KIF21A: variants seen among roughly 807,000 people sequenced by gnomAD.
The protein encoded by KIF21A is kinesin-like protein KIF21A.
In KIF21A, 114 loss-of-function variants were observed where a neutral mutation model predicts 202.9. The observed-to-expected ratio is 0.56, with a 90% CI of 0.48 to 0.66. KIF21A has a LOEUF of 0.66. Among genes scored for constraint, KIF21A ranks in the 30% least tolerant of loss-of-function variants. The probability of loss-of-function intolerance (pLI) is 0.00; values close to 1 mark genes in which losing one functional copy is unlikely to be tolerated. For synonymous variants in KIF21A, 667 were observed against 670.8 expected, an observed-to-expected ratio of 0.99 and a Z score of 0.09; for missense variants, 1,677 against 1,994.9, an observed-to-expected ratio of 0.84 and a Z score of 3.04.
In KIF21A at chr12:39,332,661, C is replaced by G. The variant is rs750114694; in HGVS notation, c.2786G>C (p.Arg929Thr). The G allele has an allele frequency of 1.9e-6, 3 of 1,614,020 alleles. No homozygotes were observed. The highest frequency in any genetic ancestry group is 2.5e-6 in the Non-Finnish European group (3 of 1,179,964). ...CTTCTGCATGATGATGTCTGTGACC[C>G]TGCGCTCAAGGAGCTGCCACTTCAT... ...ARMKWQLLER[R>T]VTDIIMQKMT... The change falls in exon 20 of 38, where the codon AGG becomes ACG. Residue 929 changes from arginine to threonine, a missense_variant. This residue lies in a region of KIF21A where 966 missense variants were observed against 1,180.9 expected (regional missense o/e 0.82). Transcript: ENST00000361418.
At chr12:39,341,451 G>C in intron 14 of KIF21A, 54 bp downstream of exon 14, 2 of 1,547,812 alleles carry the variant, frequency 1.3e-6, no homozygotes. Flanking sequence ...TTTCTGTCAT[G>C]GTTTAAACAA....
At chr12:39,382,117 C>T (rs1950651870) in intron 1 of KIF21A, among the ~76,000 whole-genome samples, 1 of 152,156 alleles carries the variant, frequency 6.6e-6, no homozygotes, top group Non-Finnish European at 1.5e-5. Flanking sequence ...GCCTTGTCAA[C>T]CAACTTTGTA....
In KIF21A at chr12:39,348,296, C is replaced by T. The variant is rs539724346; in HGVS notation, c.1674-1792G>A. On this transcript the variant is annotated intron_variant, in intron 11 of 37. Coordinates refer to ENST00000361418, the MANE Select transcript of KIF21A (RefSeq NM_001173464.2). Reference sequence around the variant, plus strand: ...AGTTAAAGAGAATGACAATTCTTGCCAACCATTCTAACATTTGTGTAACTG... The same window carrying T: ...AGTTAAAGAGAATGACAATTCTTGCTAACCATTCTAACATTTGTGTAACTG... Among the ~76,000 whole-genome samples the T allele has an allele frequency of 9.9e-5, 15 of 152,162 alleles. 1 individual carries two copies. Among genetic ancestry groups the T allele is most frequent in the African/African-American group, 3.4e-4 (14 of 41,552 alleles).
intron 26 of KIF21A, among the ~76,000 whole-genome samples, chr12:39,324,121 GA>G (rs943937809): frequency 6.6e-6 from 1 of 151,204 alleles, no homozygotes; most frequent in African/African-American, 2.4e-5. Context: ...AAAAAAAAAA[GA>G]AATGATACGA....
Position 39,403,895 on chromosome 12 carries a change from G to C in KIF21A, c.45-33634C>G, listed in dbSNP as rs1025878828. 3.3e-5 allele frequency among the ~76,000 whole-genome samples: 5 copies of C among 152,152 alleles called. No individual in the cohort carries two copies. In the South Asian group the frequency reaches 1.0e-3, roughly 32 times the overall value. On this transcript the variant is annotated intron_variant, in intron 1 of 37. Transcript: ENST00000361418. Reference sequence around the variant, plus strand: ...AAGTTAATGTTGAAATTAATGTTGAGTTAATATGAATGAGAACTGAATTAA... The same window carrying C: ...AAGTTAATGTTGAAATTAATGTTGACTTAATATGAATGAGAACTGAATTAA...
At chr12:39,348,378 T>C (rs909033599) in intron 11 of KIF21A, among the ~76,000 whole-genome samples, 1 of 152,108 alleles carries the variant, frequency 6.6e-6, no homozygotes, top group South Asian at 2.1e-4. Context: ...CTCTGGATTA[T>C]TCTACAGATC....
chr12:39,399,312 C>T (rs1331954709), intron 1 of KIF21A, among the ~76,000 whole-genome samples: 1 of 152,078 alleles, frequency 6.6e-6, no homozygotes, highest in African/African-American at 2.4e-5. Context: ...AATATTATGC[C>T]ATTTTATGTA....
intron 37 of KIF21A, among the ~76,000 whole-genome samples, chr12:39,300,513 G>T (rs1262384435): frequency 6.6e-6 from 1 of 151,824 alleles, no homozygotes; most frequent in Non-Finnish European, 1.5e-5. Flanking sequence ...ATAAAATCAG[G>T]GTGTTCATGC....
At chr12:39,431,525 G>A (rs1406026446) in intron 1 of KIF21A, among the ~76,000 whole-genome samples, 1 of 152,126 alleles carries the variant, frequency 6.6e-6, no homozygotes, top group Non-Finnish European at 1.5e-5. Flanking sequence ...ATGGGTTGGT[G>A]GAACAAAACT....
chr12:39,307,780 G>C, intron 33 of KIF21A, 51 bp from the exon 34 acceptor site: 1 of 1,553,380 alleles, frequency 6.4e-7, no homozygotes, highest in Non-Finnish European at 8.8e-7. Context: ...ACTTGGGTTT[G>C]GCTTAGAATT....
Position 39,370,244 on chromosome 12 carries a change from G to A in KIF21A, c.62C>T (p.Ala21Val), listed in dbSNP as rs1344943070. 2.5e-6 allele frequency: 4 copies of A among 1,611,332 alleles called. No individual in the cohort carries two copies. The South Asian group carries it at 3.3e-5, about 13-fold the overall frequency. Reference protein sequence around the residue: ...RVAVRIRPQLAKEKIEGCHIC... With the variant: ...RVAVRIRPQLVKEKIEGCHIC... ...ATGGCATCCTTCAATCTTCTCTTTG[G>A]CAAGCTGTGGTCTTATTCTGTGAGA... is the stretch of plus-strand genomic sequence containing the variant. The change falls in exon 2 of 38, where the codon GCC (alanine) becomes GTC (valine). Residue 21 changes from alanine to valine, a missense_variant. By Grantham distance (64) the Ala-to-Val change is moderately conservative. Coordinates refer to ENST00000361418, the MANE Select transcript of KIF21A (RefSeq NM_001173464.2).
intron 11 of KIF21A, among the ~76,000 whole-genome samples, chr12:39,350,407 ATACT>A (rs1377574694): frequency 6.6e-6 from 1 of 152,066 alleles, no homozygotes; most frequent in Non-Finnish European, 1.5e-5. Context: ...AACTTTGCTT[ATACT>A]TACTTATTAT....
intron 1 of KIF21A, among the ~76,000 whole-genome samples, chr12:39,429,509 A>C (rs1254810011): frequency 6.6e-6 from 1 of 152,238 alleles, no homozygotes. Context: ...GGCCCAAGTG[A>C]AGACTAGAAA....
chr12:39,363,298 A>AAT, intron 6 of KIF21A, 85 bp from the exon 7 acceptor site: 1 of 765,974 alleles, frequency 1.3e-6, no homozygotes, highest in Non-Finnish European at 2.2e-6. Context: ...TACAGAGAAT[A>AAT]ATATAGAGAC....
chr12:39,358,037 A>T (rs910568440), intron 8 of KIF21A, 141 bp downstream of exon 8: 2 of 738,214 alleles, frequency 2.7e-6, no homozygotes, highest in African/African-American at 3.5e-5. Flanking sequence ...AAAACTAGAG[A>T]CTCTTACCTC....
chr12:39,346,372 T>C lies in KIF21A; in HGVS notation c.1712+94A>G, dbSNP rs560785688. On this transcript the variant is annotated intron_variant, in intron 12 of 37. Coordinates refer to ENST00000361418, the MANE Select transcript of KIF21A (RefSeq NM_001173464.2). ...TAGGAGCAGCCCAGCTTATCTAGTCTGAAACAATCTATAATACTATAACAC... is the reference window on the plus strand; with the variant it reads ...TAGGAGCAGCCCAGCTTATCTAGTCCGAAACAATCTATAATACTATAACAC... 1.8e-5 allele frequency: 15 copies of C among 835,968 alleles called. No individual in the cohort carries two copies. In the South Asian group the frequency reaches 6.7e-4, roughly 37 times the overall value. 51.8% of individuals were successfully genotyped at this position (835,968 alleles called of 1,614,324 possible). A position where few individuals can be genotyped will look rare whatever the true frequency, so the allele number is the denominator to read the frequency against.
intron 27 of KIF21A, among the ~76,000 whole-genome samples, chr12:39,320,524 T>C (rs1024238483): frequency 2.6e-5 from 4 of 152,244 alleles, no homozygotes; most frequent in African/African-American, 9.6e-5. Context: ...TCTATGTACA[T>C]TTTAGTAATA....
At chr12:39,420,485 TA>T (rs555912562) in intron 1 of KIF21A, among the ~76,000 whole-genome samples, 5 of 150,500 alleles carry the variant, frequency 3.3e-5, no homozygotes, top group East Asian at 1.9e-4. Context: ...ACACTAAGTT[TA>T]AAAAAAAAAT....
chr12:39,307,510 T>G, intron 34 of KIF21A, 55 bp downstream of exon 34: 1 of 1,528,454 alleles, frequency 6.5e-7, no homozygotes, highest in Non-Finnish European at 9.1e-7. Context: ...ATGTTATTAA[T>G]GTCTGAAGTT....
Sources: gnomAD v4.1 joint callset for allele counts (sites outside exome capture counted in the v4.1 genomes callset) on GRCh38, gnomAD v4.1.1 for gene constraint, gnomAD v4.1.1 regional missense constraint, MANE v1.5 for transcripts, NCBI Gene and HGNC (gene_info 2026-07-23, HGNC 2026-07-21) for gene names.